The following RASA1 variants were observed in gnomAD, a reference collection of about 807,000 sequenced individuals.
The protein encoded by RASA1 is ras GTPase-activating protein 1.
Under a neutral mutation model 132.2 loss-of-function variants are expected in RASA1, and 25 were observed. The observed-to-expected ratio is 0.19, with a 90% CI of 0.14 to 0.26. The LOEUF (loss-of-function observed/expected upper bound fraction) is 0.26, where lower values mean the gene tolerates loss of function less well. Ranked by LOEUF, RASA1 falls within the 10% of genes least tolerant of loss-of-function variation. The probability of loss-of-function intolerance (pLI) is 1.00; values close to 1 mark genes in which losing one functional copy is unlikely to be tolerated. For synonymous variants in RASA1, 477 were observed against 449.9 expected (o/e 1.06, Z -0.76); for missense variants, 964 against 1,299.2 (o/e 0.74, Z 3.97).
At chr5:87,288,163 A>G (rs1754760202) in intron 1 of RASA1, among the ~76,000 whole-genome samples, 1 of 148,626 alleles carries the variant, frequency 6.7e-6, no homozygotes, top group Non-Finnish European at 1.5e-5. Context: ...TATACCATAT[A>G]TATACACACC....
In RASA1 at chr5:87,390,796, C is replaced by T; in HGVS notation, c.3061-4C>T. On this transcript the variant is annotated splice_region_variant and splice_polypyrimidine_tract_variant and intron_variant, in intron 24 of 24. Transcript: ENST00000274376. Reference sequence around the variant, plus strand: ...TATTTTCATACCATTTTTCCTCTGTCTAGCACGTATTGAAAAAGCTTCTGG... The same window carrying T: ...TATTTTCATACCATTTTTCCTCTGTTTAGCACGTATTGAAAAAGCTTCTGG... The T allele has an allele frequency of 6.2e-7, 1 of 1,608,782 alleles. No individual in the cohort carries two copies. The highest frequency in any genetic ancestry group is 8.5e-7 in the Non-Finnish European group (1 of 1,175,310).
chr5:87,302,589 TAGTATACTATACTGTATA>T (rs1379274223), intron 1 of RASA1, among the ~76,000 whole-genome samples: 3 of 151,606 alleles, frequency 2.0e-5, no homozygotes, highest in Non-Finnish European at 4.4e-5. Context: ...CTATATACTA[TAGTATACTATACTGTATA>T]GTATAGTATA....
At chr5:87,357,940 G>T (rs1340771923) in intron 9 of RASA1, among the ~76,000 whole-genome samples, 1 of 152,146 alleles carries the variant, frequency 6.6e-6, no homozygotes, top group African/African-American at 2.4e-5. Flanking sequence ...ACTATTAAGT[G>T]CTATTTGTAG....
intron 11 of RASA1, chr5:87,366,322 C>A: frequency 2.6e-6 from 1 of 383,274 alleles, no homozygotes. Context: ...AAAGCTTTAG[C>A]ATTATTTTGA....
intron 7 of RASA1, 57 bp from the exon 8 acceptor site, chr5:87,349,157 A>C: frequency 6.3e-7 from 1 of 1,580,250 alleles, no homozygotes; most frequent in Admixed American, 1.7e-5. Flanking sequence ...ATACTACTTA[A>C]CATCTTTTCT....
chr5:87,325,382 T>C (rs1363830939), intron 1 of RASA1, among the ~76,000 whole-genome samples: 1 of 152,234 alleles, frequency 6.6e-6, no homozygotes, highest in Non-Finnish European at 1.5e-5. Flanking sequence ...AATATATTTG[T>C]TACAAATAAA....
At chr5:87,335,776 AG>A (rs1241768768) in intron 4 of RASA1, among the ~76,000 whole-genome samples, 13 of 152,312 alleles carry the variant, frequency 8.5e-5, no homozygotes, top group Admixed American at 3.3e-4. Flanking sequence ...TAGAAGATAT[AG>A]ATAGCTCAGT....
At chr5:87,363,683 A>G (rs1760285865) in intron 11 of RASA1, among the ~76,000 whole-genome samples, 179 bp downstream of exon 11, 1 of 152,044 alleles carries the variant, frequency 6.6e-6, no homozygotes, top group South Asian at 2.1e-4. Flanking sequence ...AGTCTACTTC[A>G]TTGTGTTGCA....
At chr5:87,337,911 G>A in intron 4 of RASA1, 63 bp from the exon 5 acceptor site, 1 of 1,480,872 alleles carries the variant, frequency 6.8e-7, no homozygotes. Context: ...TGTGGTATAT[G>A]ACTATTCTAA....
At chr5:87,306,539 G>A (rs1755619826) in intron 1 of RASA1, among the ~76,000 whole-genome samples, 1 of 151,764 alleles carries the variant, frequency 6.6e-6, no homozygotes, top group African/African-American at 2.4e-5. Context: ...GTGATGAAAT[G>A]ATCTGTACAA....
chr5:87,353,055 A>C, intron 8 of RASA1, 102 bp from the exon 9 acceptor site: 2 of 821,676 alleles, frequency 2.4e-6, no homozygotes, highest in Non-Finnish European at 4.1e-6. Context: ...TTTGAAAAAA[A>C]TTTGCTAATT....
At position 87,268,786 on chromosome 5, in the gene RASA1, G is replaced by C. The variant is rs1422855651; in HGVS notation, c.335G>C (p.Gly112Ala). 6.2e-7 allele frequency: 1 copy of C among 1,614,088 alleles called. No homozygotes were observed. The highest frequency in any genetic ancestry group is 1.3e-5 in the African/African-American group (1 of 75,038). ...VAGAAVAGPS[G>A]DMALTKLPTS... The stretch of plus-strand genomic sequence containing the variant: ...GGTGCTGCTGTTGCTGGACCTAGTG[G>C]AGACATGGCTCTCACCAAACTGCCC... Residue 112 changes from glycine (G) to alanine (A), a missense_variant, in exon 1 of 25, where the codon GGA becomes GCA. Gly to Ala is a moderately conservative substitution (Grantham distance 60, BLOSUM62 0). Around this residue, in one of 6 missense-constraint regions of RASA1, gnomAD observed 326 missense variants for 275.8 expected, o/e 1.18. Transcript: ENST00000274376.
intron 5 of RASA1, among the ~76,000 whole-genome samples, chr5:87,338,527 ATATATAAAATT>A (rs1449286068): frequency 2.1e-5 from 2 of 95,418 alleles, no homozygotes; most frequent in Admixed American, 1.0e-4. Context: ...ATATATATAT[ATATATAAAATT>A]TTTTTTTTTT....
chr5:87,376,582 C>G lies in RASA1; in HGVS notation c.2184+17C>G. On this transcript the variant is annotated intron_variant, in intron 16 of 24. Transcript: ENST00000274376. Reference sequence around the variant, plus strand: ...TTTAAAGAGGTATTAAATTATTTATCAGTCTTGTTTTTGTTGGAATTAACA... The same window carrying G: ...TTTAAAGAGGTATTAAATTATTTATGAGTCTTGTTTTTGTTGGAATTAACA... 6.2e-7 allele frequency: 1 copy of G among 1,607,514 alleles called. No homozygotes were observed. The highest frequency in any genetic ancestry group is 8.5e-7 in the Non-Finnish European group (1 of 1,174,212).
intron 1 of RASA1, among the ~76,000 whole-genome samples, chr5:87,285,622 T>C (rs1362692585): frequency 1.3e-4 from 20 of 148,726 alleles, no homozygotes; most frequent in Non-Finnish European, 2.2e-4. Flanking sequence ...CTTTTTCTTT[T>C]TTTTTTTTTT....
At chr5:87,390,496 T>C (rs902609622) in intron 24 of RASA1, among the ~76,000 whole-genome samples, 1 of 151,732 alleles carries the variant, frequency 6.6e-6, no homozygotes, top group Admixed American at 6.6e-5. Context: ...AAAAAAAGCC[T>C]TTTTTAAAAG....
chr5:87,299,998 C>T (rs573528299), intron 1 of RASA1, among the ~76,000 whole-genome samples: 2 of 151,970 alleles, frequency 1.3e-5, no homozygotes, highest in South Asian at 4.2e-4. Flanking sequence ...AATTTTTTTC[C>T]TTTGGACACT....
At chr5:87,293,274 GAA>G (rs1218154011) in intron 1 of RASA1, among the ~76,000 whole-genome samples, 3 of 151,692 alleles carry the variant, frequency 2.0e-5, no homozygotes, top group African/African-American at 7.3e-5. Flanking sequence ...TCAAGTTGAG[GAA>G]GTTCCCTTCT....
intron 1 of RASA1, among the ~76,000 whole-genome samples, chr5:87,326,493 G>A (rs1033271793): frequency 2.0e-5 from 3 of 152,120 alleles, no homozygotes; most frequent in African/African-American, 7.2e-5. Flanking sequence ...GGGAAGACAT[G>A]TATGTACTTC....
Sources: allele counts gnomAD v4.1 joint callset (sites outside exome capture counted in the v4.1 genomes callset), GRCh38; gene constraint gnomAD v4.1.1; regional missense constraint gnomAD v4.1.1; transcripts MANE v1.5; gene names NCBI Gene and HGNC (gene_info 2026-07-23, HGNC 2026-07-21).